NUP214: variants seen among roughly 807,000 people sequenced by gnomAD.
NUP214 encodes the protein nuclear pore complex protein Nup214.
A neutral mutation model predicts 196.2 loss-of-function variants in NUP214; 79 were observed. That is an observed-to-expected ratio of 0.40 (90% confidence interval 0.34 to 0.49). NUP214 has a LOEUF of 0.49. Ranked by LOEUF, NUP214 falls within the 20% of genes least tolerant of loss-of-function variation. NUP214 has a pLI of 0.58. For synonymous variants in NUP214, 1,020 were observed against 990.5 expected (o/e 1.03, Z -0.56); for missense variants, 2,468 against 2,539.0 (o/e 0.97, Z 0.60).
At chr9:131,134,677 G>C (rs530515094) in intron 7 of NUP214, among the ~76,000 whole-genome samples, 4 of 152,246 alleles carry the variant, frequency 2.6e-5, no homozygotes, top group African/African-American at 7.2e-5. Context: ...TGCATGTCTC[G>C]TGGGCAGAAA....
intron 21 of NUP214, among the ~76,000 whole-genome samples, chr9:131,169,326 G>C (rs997158102): frequency 6.6e-6 from 1 of 151,918 alleles, no homozygotes; most frequent in Non-Finnish European, 1.5e-5. Context: ...GAGCCACCAC[G>C]CCCAGCCTCT....
At chr9:131,149,595 T>G (rs1177554909) in intron 14 of NUP214, among the ~76,000 whole-genome samples, 1 of 151,892 alleles carries the variant, frequency 6.6e-6, no homozygotes, top group Non-Finnish European at 1.5e-5. Context: ...CTGTTGCACC[T>G]CTCACCTTGT....
intron 17 of NUP214, among the ~76,000 whole-genome samples, chr9:131,157,972 G>A (rs1832509987): frequency 6.6e-6 from 1 of 152,042 alleles, no homozygotes; most frequent in Admixed American, 6.5e-5. Context: ...TAGTAGAGAT[G>A]GGGTTTCACC....
chr9:131,229,678 C>G, intron 33 of NUP214: 2 of 515,442 alleles, frequency 3.9e-6, no homozygotes, highest in Non-Finnish European at 7.7e-6. Context: ...TGGCCATGAG[C>G]CTGTCTCCGA....
At position 131,139,346 on chromosome 9, in the gene NUP214, T is replaced by C; in HGVS notation, c.1071T>C (p.Ser357=). ...SRAELPVTDK[S]DDSLPMGVVV... is the part of the protein sequence containing the mutation. ...CTGAATTGCCTGTGACAGACAAGAG[T>C]GATGACTCCTTGCCCATGGGAGTTG... is the stretch of plus-strand genomic sequence containing the variant. Residue 357 remains serine, a synonymous_variant, in exon 10 of 36, where the codon AGT becomes AGC. Transcript: ENST00000359428. The C allele has an allele frequency of 6.2e-7, 1 of 1,600,482 alleles. No homozygotes were observed. Among genetic ancestry groups the C allele is most frequent in the Non-Finnish European group, 8.5e-7 (1 of 1,175,858 alleles).
rs144670924 is a variant in NUP214 at position 131,178,336 on chromosome 9, G to A, written c.3345G>A (p.Thr1115=). The part of the protein sequence containing the change: ...APAVNTLTES[T]LKNVPQVVNV... ...CTGTAAACACTTTGACTGAATCAAC[G>A]TTGAAGAATGTCCCTCAAGTGGTAA... Residue 1115 remains threonine, a synonymous_variant, in exon 24 of 36, where the codon ACG becomes ACA. Coordinates refer to ENST00000359428, the MANE Select transcript of NUP214 (RefSeq NM_005085.4). The A allele has an allele frequency of 8.7e-6, 14 of 1,613,612 alleles. No individual in the cohort carries two copies. The East Asian group carries it at 1.1e-4, about 13-fold the overall frequency.
chr9:131,223,723 A>ATTTATTTATTTATTTATTTATTT (rs1554742606), intron 32 of NUP214, among the ~76,000 whole-genome samples: 1 of 18,968 alleles, frequency 5.3e-5, no homozygotes, highest in African/African-American at 1.3e-4. Context: ...TTATTTATTT[A>ATTTATTTATTTATTTATTTATTT]TTTATTTTTT....
chr9:131,125,629 T>A lies in NUP214; in HGVS notation c.-76T>A. 6.5e-7 allele frequency: 1 copy of A among 1,538,768 alleles called. No individual in the cohort carries two copies. The highest frequency in any genetic ancestry group is 8.8e-7 in the Non-Finnish European group (1 of 1,141,474). On this transcript the variant is annotated 5_prime_UTR_variant, in exon 1 of 36. Transcript: ENST00000359428. This position sits in a 1 kb window ranked among gnomAD's most constrained non-coding sequence, Gnocchi z 4.1. Reference sequence around the variant, plus strand: ...CTGGCGCTGAGGGGAGGAAGTTTGCTGTCGAGCGGCCTGGGTTCCGTGGGC... The same window carrying A: ...CTGGCGCTGAGGGGAGGAAGTTTGCAGTCGAGCGGCCTGGGTTCCGTGGGC...
Position 131,178,345 on chromosome 9 carries a change from T to G in NUP214, c.3354T>G (p.Asn1118Lys). Residue 1118 changes from asparagine (N) to lysine (K), a missense_variant, in exon 24 of 36, where the codon AAT (asparagine) becomes AAG (lysine). By Grantham distance (94) the Asn-to-Lys change is moderately conservative. This residue lies in a region of NUP214 where 1,801 missense variants were observed against 1,779.4 expected (regional missense o/e 1.01). Transcript: ENST00000359428. ...CTTTGACTGAATCAACGTTGAAGAATGTCCCTCAAGTGGTAAATGTGCAGG... is the reference window on the plus strand; with the variant it reads ...CTTTGACTGAATCAACGTTGAAGAAGGTCCCTCAAGTGGTAAATGTGCAGG... The part of the protein sequence containing the change: ...VNTLTESTLK[N>K]VPQVVNVQEL... 2 of 1,614,026 alleles carry G rather than the reference T, an allele frequency of 1.2e-6. No individual in the cohort carries two copies. The highest frequency in any genetic ancestry group is 1.7e-6 in the Non-Finnish European group (2 of 1,179,874).
chr9:131,133,251 A>G, intron 7 of NUP214, 42 bp downstream of exon 7: 1 of 1,239,180 alleles, frequency 8.1e-7, no homozygotes, highest in East Asian at 2.7e-5. Context: ...GAATTAGAGA[A>G]GTCTTCTAAT....
At chr9:131,153,165 G>A (rs778750217) in intron 17 of NUP214, 1 of 152,168 alleles carries the variant, frequency 6.6e-6, no homozygotes, top group Non-Finnish European at 1.5e-5. Context: ...TAGTGTGGGG[G>A]TCCTCTTCTG....
chr9:131,220,759 G>C (rs527600031), intron 31 of NUP214, among the ~76,000 whole-genome samples: 1 of 152,292 alleles, frequency 6.6e-6, no homozygotes, highest in African/African-American at 2.4e-5. Flanking sequence ...ACAGCTATTA[G>C]GTAATCTCAC....
chr9:131,151,743 A>G lies in NUP214; in HGVS notation c.2285A>G (p.His762Arg), dbSNP rs1261559472. The change falls in exon 17 of 36, where the codon CAT (histidine) becomes CGT (arginine). Residue 762 changes from histidine (H) to arginine (R), a missense_variant. Physicochemically the swap from His to Arg is conservative, Grantham distance 29 (BLOSUM62 0). Transcript: ENST00000359428. ...LEIKETTESL[H>R]GDISSLKTTL... The stretch of plus-strand genomic sequence containing the variant: ...TTATTGTACTTTTTCTAGTCGCTTC[A>G]TGGAGATATAAGTAGCCTGAAAACA... 6 of 1,605,920 alleles carry G rather than the reference A, an allele frequency of 3.7e-6. No homozygotes were observed. The South Asian group carries it at 6.7e-5, about 18-fold the overall frequency.
In NUP214 at chr9:131,176,144, C is replaced by T. The variant is rs1471643460; in HGVS notation, c.3319+523C>T. ...ACCACCCTAGGCAACATAGTGAGAC[C>T]TCATCTCTAAAACAAAACAAACACA... On this transcript the variant is annotated intron_variant, in intron 23 of 35. Coordinates refer to ENST00000359428, the MANE Select transcript of NUP214 (RefSeq NM_005085.4). Among the ~76,000 whole-genome samples the T allele has an allele frequency of 2.0e-5, 3 of 151,958 alleles. No homozygotes were observed. The East Asian group carries it at 5.8e-4, about 29-fold the overall frequency.
At position 131,207,613 on chromosome 9, in the gene NUP214, G is replaced by C. The variant is rs564657686; in HGVS notation, c.5592+5896G>C. Among the ~76,000 whole-genome samples, 4 of 152,290 alleles carry C rather than the reference G, an allele frequency of 2.6e-5. No homozygotes were observed. In the South Asian group the frequency reaches 6.2e-4, roughly 24 times the overall value. Reference sequence around the variant, plus strand: ...CTTAGGCTGCATCCTCTTCATCAAGGCACTCACAAAGTCCCATCCAGGTTC... The same window carrying C: ...CTTAGGCTGCATCCTCTTCATCAAGCCACTCACAAAGTCCCATCCAGGTTC... On this transcript the variant is annotated intron_variant, in intron 30 of 35. Coordinates refer to ENST00000359428, the MANE Select transcript of NUP214 (RefSeq NM_005085.4).
intron 30 of NUP214, among the ~76,000 whole-genome samples, chr9:131,213,154 G>A (rs1834292437): frequency 6.6e-6 from 1 of 151,736 alleles, no homozygotes; most frequent in Admixed American, 6.6e-5. Context: ...TCATTTTCAT[G>A]GGAAGCCATT....
At chr9:131,205,289 A>C (rs756110382) in intron 30 of NUP214, among the ~76,000 whole-genome samples, 1 of 152,248 alleles carries the variant, frequency 6.6e-6, no homozygotes, top group South Asian at 2.1e-4. Context: ...GCTTTCCTAT[A>C]GTTCAAAAAG....
chr9:131,223,457 G>A (rs998690145), intron 32 of NUP214, among the ~76,000 whole-genome samples: 4 of 151,962 alleles, frequency 2.6e-5, no homozygotes, highest in African/African-American at 9.7e-5. Context: ...GAGCCACCGC[G>A]CCCAGCTGTA....
intron 4 of NUP214, among the ~76,000 whole-genome samples, chr9:131,130,143 T>TTTTTTG (rs1831495445): frequency 9.4e-6 from 1 of 106,056 alleles, no homozygotes; most frequent in Non-Finnish European, 2.0e-5. Flanking sequence ...TTTTGTTTTT[T>TTTTTTG]TTTTTTTGTT....
Sources: allele counts gnomAD v4.1 joint callset (sites outside exome capture counted in the v4.1 genomes callset), GRCh38; gene constraint gnomAD v4.1.1; regional missense constraint gnomAD v4.1.1; non-coding constraint Gnocchi (gnomAD v3.1); transcripts MANE v1.5; gene names NCBI Gene and HGNC (gene_info 2026-07-23, HGNC 2026-07-21).